Variants in NDUFA5 observed in about 807,000 individuals in gnomAD.
The protein encoded by NDUFA5 is NADH dehydrogenase [ubiquinone] 1 alpha subcomplex subunit 5.
In NDUFA5, 11 loss-of-function variants were observed where a neutral mutation model predicts 19.8. The ratio of observed to expected loss-of-function variants is 0.56; its 90% CI spans 0.35 to 0.92. The LOEUF is 0.92. NDUFA5 is among the 40% of genes least tolerant of loss of function. The pLI is 0.01. For missense variants in NDUFA5, 109 were observed against 134.2 expected (o/e 0.81, Z 0.93); for synonymous variants, 47 against 46.8 (o/e 1.00, Z -0.01).
upstream of NDUFA5, among the ~76,000 whole-genome samples, chr7:123,561,943 C>T (rs567068774): frequency 9.9e-5 from 15 of 151,896 alleles, no homozygotes; most frequent in East Asian, 2.5e-3. Flanking sequence ...TCAGTTCTTT[C>T]AAGAAGGTTT....
upstream of NDUFA5, chr7:123,557,990 G>T: frequency 1.2e-6 from 1 of 831,682 alleles, no homozygotes; most frequent in Non-Finnish European, 1.9e-6. Context: ...GGGCATACAA[G>T]CCTAAAGCTA....
intron 2 of NDUFA5, among the ~76,000 whole-genome samples, chr7:123,553,277 T>C (rs1250633878): frequency 6.6e-6 from 1 of 152,222 alleles, no homozygotes; most frequent in East Asian, 1.9e-4. Flanking sequence ...TGGAGAGGCC[T>C]CACAATCATG....
chr7:123,544,041 T>C (rs1019816996), intron 4 of NDUFA5, among the ~76,000 whole-genome samples: 1 of 152,096 alleles, frequency 6.6e-6, no homozygotes, highest in African/African-American at 2.4e-5. Flanking sequence ...TGTCCTTCAA[T>C]CAACAGTAAG....
intron 2 of NDUFA5, chr7:123,551,413 T>G: frequency 4.3e-6 from 1 of 233,124 alleles, no homozygotes; most frequent in Non-Finnish European, 7.0e-6. Flanking sequence ...TTTGCCATGT[T>G]GGCCAGGATG....
intron 2 of NDUFA5, among the ~76,000 whole-genome samples, chr7:123,553,423 C>T (rs574632853): frequency 2.8e-4 from 43 of 152,294 alleles, no homozygotes; most frequent in Non-Finnish European, 5.6e-4. Flanking sequence ...ATGGGAAAAA[C>T]CCACCCCATG....
At chr7:123,574,495 T>G in the NDUFA5 span, among the ~76,000 whole-genome samples, 2 of 152,138 alleles carry the variant, frequency 1.3e-5, no homozygotes, top group Non-Finnish European at 2.9e-5. Flanking sequence ...AGTTCTCAGG[T>G]GATGATAATG....
chr7:123,580,589 A>G, the NDUFA5 span, among the ~76,000 whole-genome samples: 1 of 152,202 alleles, frequency 6.6e-6, no homozygotes, highest in African/African-American at 2.4e-5. Flanking sequence ...ATGAAAACCC[A>G]GAACTGCATC....
chr7:123,580,115 G>C, the NDUFA5 span, among the ~76,000 whole-genome samples: 1 of 151,988 alleles, frequency 6.6e-6, no homozygotes, highest in Non-Finnish European at 1.5e-5. Context: ...GTCTAAATTG[G>C]GTCTTAAATT....
chr7:123,567,700 G>A, the NDUFA5 span, among the ~76,000 whole-genome samples: 3 of 152,078 alleles, frequency 2.0e-5, no homozygotes, highest in East Asian at 5.8e-4. Flanking sequence ...GCTCATTTCT[G>A]AAAATGTACA....
chr7:123,596,704 T>C, the NDUFA5 span, among the ~76,000 whole-genome samples: 2 of 152,228 alleles, frequency 1.3e-5, no homozygotes, highest in Non-Finnish European at 2.9e-5. Context: ...TAAATTTATA[T>C]AATTTCTTCT....
the NDUFA5 span, among the ~76,000 whole-genome samples, chr7:123,574,506 A>G: frequency 1.3e-5 from 2 of 152,194 alleles, no homozygotes; most frequent in African/African-American, 2.4e-5. Flanking sequence ...GATGATAATG[A>G]TAGTGGGCTG....
the NDUFA5 span, among the ~76,000 whole-genome samples, chr7:123,568,385 T>C: frequency 6.7e-6 from 1 of 150,258 alleles, no homozygotes; most frequent in Non-Finnish European, 1.5e-5. Context: ...CCGGGCATGG[T>C]GGCGCATGCT....
At chr7:123,567,465 CTT>C in the NDUFA5 span, among the ~76,000 whole-genome samples, 4 of 152,186 alleles carry the variant, frequency 2.6e-5, no homozygotes, top group Admixed American at 2.6e-4. Flanking sequence ...TAAAAGAGCT[CTT>C]GTTTATCCAA....
At chr7:123,543,581 A>C (rs1314181249) in intron 4 of NDUFA5, among the ~76,000 whole-genome samples, 2 of 152,172 alleles carry the variant, frequency 1.3e-5, no homozygotes, top group Admixed American at 6.5e-5. Flanking sequence ...TATTTAAATA[A>C]TATACTACAT....
At chr7:123,583,232 T>C in the NDUFA5 span, among the ~76,000 whole-genome samples, 3 of 151,806 alleles carry the variant, frequency 2.0e-5, no homozygotes, top group African/African-American at 7.3e-5. Flanking sequence ...TCTAAAAAGA[T>C]AAATAAATAG....
At chr7:123,589,324 C>CATT in the NDUFA5 span, among the ~76,000 whole-genome samples, 2 of 96,504 alleles carry the variant, frequency 2.1e-5, no homozygotes, top group South Asian at 3.2e-4. Flanking sequence ...TTATTATTAT[C>CATT]ATTATTATTA....
At chr7:123,550,115 G>A (rs1459227047) in intron 3 of NDUFA5, 1 of 175,504 alleles carries the variant, frequency 5.7e-6, no homozygotes, top group East Asian at 1.9e-4. Context: ...GCCCTTTTTT[G>A]TTTTGCTTTT....
At chr7:123,594,296 A>G in the NDUFA5 span, among the ~76,000 whole-genome samples, 1 of 152,146 alleles carries the variant, frequency 6.6e-6, no homozygotes, top group African/African-American at 2.4e-5. Flanking sequence ...CGTCAAACTC[A>G]TTCTCTGTCC....
At chr7:123,570,322 CA>C in the NDUFA5 span, among the ~76,000 whole-genome samples, 1 of 152,200 alleles carries the variant, frequency 6.6e-6, no homozygotes, top group African/African-American at 2.4e-5. Flanking sequence ...AGGCGTGAGC[CA>C]CCGCGCCCAG....
Sources: gnomAD v4.1 joint callset for allele counts (sites outside exome capture counted in the v4.1 genomes callset) on GRCh38, gnomAD v4.1.1 for gene constraint, MANE v1.5 for transcripts, NCBI Gene and HGNC (gene_info 2026-07-23, HGNC 2026-07-21) for gene names.